The following ARL15 variants were observed in gnomAD, a reference collection of about 807,000 sequenced individuals.
ARL15 encodes the protein ADP-ribosylation factor-like protein 15.
Under a neutral mutation model 25.2 loss-of-function variants are expected in ARL15, and 19 were observed. That is an observed-to-expected ratio of 0.75 (90% CI 0.53 to 1.10). The LOEUF is 1.10. Among genes scored for constraint, ARL15 ranks in the 50% least tolerant of loss-of-function variants. ARL15 has a pLI of 0.00. For missense variants in ARL15, 220 were observed against 246.0 expected, an observed-to-expected ratio of 0.89 and a Z score of 0.71; for synonymous variants, 94 against 86.8, an observed-to-expected ratio of 1.08 and a Z score of -0.46.
chr5:54,099,880 G>T (rs1424589882), intron 4 of ARL15, among the ~76,000 whole-genome samples: 2 of 152,102 alleles, frequency 1.3e-5, no homozygotes, highest in African/African-American at 2.4e-5. Flanking sequence ...AATTTAGATG[G>T]TCAACAGTGA....
intron 1 of ARL15, among the ~76,000 whole-genome samples, chr5:54,264,723 A>G (rs1757580051): frequency 6.6e-6 from 1 of 152,082 alleles, no homozygotes; most frequent in South Asian, 2.1e-4. Flanking sequence ...TCTTCCCTAC[A>G]TATCCACATG....
intron 1 of ARL15, among the ~76,000 whole-genome samples, chr5:54,209,558 G>T (rs959144228): frequency 1.3e-5 from 2 of 151,898 alleles, no homozygotes; most frequent in Non-Finnish European, 2.9e-5. Flanking sequence ...CAAGAAATAT[G>T]GACTAGAATT....
intron 4 of ARL15, among the ~76,000 whole-genome samples, chr5:53,986,104 A>G (rs560105262): frequency 2.6e-5 from 4 of 152,128 alleles, no homozygotes; most frequent in Non-Finnish European, 5.9e-5. Flanking sequence ...TCTCATTTAC[A>G]ATTCTGCCAG....
At chr5:54,037,735 A>G (rs1167306631) in intron 4 of ARL15, among the ~76,000 whole-genome samples, 2 of 152,118 alleles carry the variant, frequency 1.3e-5, no homozygotes, top group Non-Finnish European at 2.9e-5. Flanking sequence ...AGGCACTTTT[A>G]AAACTTCATT....
At chr5:54,094,597 T>C (rs1308431752) in intron 4 of ARL15, among the ~76,000 whole-genome samples, 1 of 152,190 alleles carries the variant, frequency 6.6e-6, no homozygotes, top group Non-Finnish European at 1.5e-5. Flanking sequence ...ACCTTAATAA[T>C]AATTCATTAC....
At chr5:53,956,717 CA>C (rs1747170055) in intron 4 of ARL15, among the ~76,000 whole-genome samples, 1 of 151,844 alleles carries the variant, frequency 6.6e-6, no homozygotes, top group African/African-American at 2.4e-5. Flanking sequence ...CTGGAGCTGA[CA>C]TATGAACAAA....
At chr5:54,272,878 C>T (rs1278159372) in intron 1 of ARL15, among the ~76,000 whole-genome samples, 1 of 152,066 alleles carries the variant, frequency 6.6e-6, no homozygotes, top group Non-Finnish European at 1.5e-5. Context: ...TACCATTAAT[C>T]CCTAAAAGTA....
Position 54,110,711 on chromosome 5 carries a change from G to A in ARL15, c.462+2491C>T, listed in dbSNP as rs141242663. Among the ~76,000 whole-genome samples the A allele has an allele frequency of 4.2e-3, 633 of 152,076 alleles. 4 individuals are homozygous for A. The highest frequency in any genetic ancestry group is 0.014 in the African/African-American group (586 of 41,546). ...TTTAGGAAAGAGAGAATAAAAAGACGACCGTTATCTAAATACATTTCTAGT... is the reference window on the plus strand; with the variant it reads ...TTTAGGAAAGAGAGAATAAAAAGACAACCGTTATCTAAATACATTTCTAGT... On this transcript the variant is annotated intron_variant, in intron 4 of 4. Transcript: ENST00000504924.
At chr5:54,014,688 A>AT (rs112841956) in intron 4 of ARL15, among the ~76,000 whole-genome samples, 7 of 150,866 alleles carry the variant, frequency 4.6e-5, no homozygotes, top group East Asian at 2.0e-4. Flanking sequence ...ACCTGGCTAG[A>AT]TTTTTTTTTG....
At chr5:54,222,502 C>G (rs1015511135) in intron 1 of ARL15, among the ~76,000 whole-genome samples, 2 of 152,216 alleles carry the variant, frequency 1.3e-5, no homozygotes, top group Admixed American at 6.5e-5. Context: ...AGCTTCTCGT[C>G]TAGGTTAACA....
intron 3 of ARL15, among the ~76,000 whole-genome samples, chr5:54,124,165 T>C (rs1178481805): frequency 6.6e-6 from 1 of 152,178 alleles, no homozygotes; most frequent in African/African-American, 2.4e-5. Flanking sequence ...TTATTGGGTA[T>C]CCAGTAAGGT....
intron 4 of ARL15, among the ~76,000 whole-genome samples, chr5:53,901,239 T>A (rs1342755730): frequency 2.0e-5 from 3 of 152,222 alleles, no homozygotes; most frequent in African/African-American, 7.2e-5. Context: ...TCAAGCACTT[T>A]TAGGGTATTC....
chr5:54,125,841 C>A (rs1753235938), intron 3 of ARL15, among the ~76,000 whole-genome samples: 1 of 152,020 alleles, frequency 6.6e-6, no homozygotes. Context: ...TAGAAATTCC[C>A]AAATGTGGAT....
chr5:54,172,744 A>G (rs1008392204), intron 1 of ARL15, among the ~76,000 whole-genome samples: 2 of 152,250 alleles, frequency 1.3e-5, no homozygotes, highest in Non-Finnish European at 2.9e-5. Flanking sequence ...AAGAGAATAG[A>G]GGAAAACTCC....
intron 1 of ARL15, among the ~76,000 whole-genome samples, chr5:54,259,270 A>G (rs948764808): frequency 1.3e-5 from 2 of 152,176 alleles, no homozygotes; most frequent in African/African-American, 4.8e-5. Context: ...ACATACTGAT[A>G]TATGCACACA....
intron 4 of ARL15, among the ~76,000 whole-genome samples, chr5:54,006,895 A>C (rs905839991): frequency 2.6e-5 from 4 of 152,118 alleles, no homozygotes; most frequent in African/African-American, 9.7e-5. Context: ...GTTCGAGACC[A>C]GCCTGACCAA....
chr5:54,070,391 C>G (rs1579763552), intron 4 of ARL15, among the ~76,000 whole-genome samples: 1 of 143,088 alleles, frequency 7.0e-6, no homozygotes, highest in Non-Finnish European at 1.5e-5. Flanking sequence ...GACTCCGTCT[C>G]AAAAAAAAAA....
At chr5:54,040,533 T>C (rs919227347) in intron 4 of ARL15, among the ~76,000 whole-genome samples, 1 of 152,136 alleles carries the variant, frequency 6.6e-6, no homozygotes, top group African/African-American at 2.4e-5. Flanking sequence ...TCCCACAAAG[T>C]ATGAAAAAGG....
intron 4 of ARL15, among the ~76,000 whole-genome samples, chr5:53,996,789 C>A (rs1176183040): frequency 6.6e-6 from 1 of 152,150 alleles, no homozygotes; most frequent in Admixed American, 6.6e-5. Context: ...TTAGAGACTA[C>A]TGATCCAAAG....
Sources: gnomAD v4.1 joint callset for allele counts (sites outside exome capture counted in the v4.1 genomes callset) on GRCh38, gnomAD v4.1.1 for gene constraint, MANE v1.5 for transcripts, NCBI Gene and HGNC (gene_info 2026-07-23, HGNC 2026-07-21) for gene names.